KAZN: variants seen among roughly 807,000 people sequenced by gnomAD.
KAZN encodes the protein kazrin.
In KAZN, 40 loss-of-function variants were observed where a neutral mutation model predicts 87.4. The ratio of observed to expected loss-of-function variants is 0.46; its 90% CI spans 0.36 to 0.60. KAZN has a LOEUF of 0.60. Ranked by LOEUF, KAZN falls within the 20% of genes least tolerant of loss-of-function variation. The pLI is 0.00. For missense variants in KAZN, 898 were observed against 1,073.9 expected (o/e 0.84, Z 2.29); for synonymous variants, 466 against 458.3 (o/e 1.02, Z -0.22).
At chr1:15,112,678 C>G (rs1376052761) in intron 14 of KAZN, 137 bp downstream of exon 14, 2 of 625,864 alleles carry the variant, frequency 3.2e-6, no homozygotes, top group South Asian at 3.9e-5. Context: ...GCATCCAGGA[C>G]AGATGCCCTG....
chr1:14,766,275 G>A (rs932978132), intron 1 of KAZN, among the ~76,000 whole-genome samples: 28 of 152,054 alleles, frequency 1.8e-4, no homozygotes, highest in African/African-American at 5.6e-4. Flanking sequence ...CTCCTGGGCT[G>A]CCTGAGTGGA....
chr1:14,587,224 T>C (rs973459100), intron 2 of KAZN, among the ~76,000 whole-genome samples: 1 of 151,992 alleles, frequency 6.6e-6, no homozygotes, highest in Non-Finnish European at 1.5e-5. Context: ...TCATCTGATA[T>C]CAGGAGTTCG....
intron 8 of KAZN, among the ~76,000 whole-genome samples, chr1:15,074,199 C>T (rs914490406): frequency 6.6e-6 from 1 of 152,230 alleles, no homozygotes; most frequent in African/African-American, 2.4e-5. Flanking sequence ...CCTCAGAAGG[C>T]GGTCGGCAAG....
chr1:14,193,860 C>T (rs1215277514), intron 2 of KAZN, among the ~76,000 whole-genome samples: 4 of 151,984 alleles, frequency 2.6e-5, no homozygotes, highest in Non-Finnish European at 5.9e-5. Context: ...CTCTAAGAGC[C>T]CAGGCTTGGC....
chr1:14,850,971 C>T (rs1649364521), intron 1 of KAZN, among the ~76,000 whole-genome samples: 1 of 152,218 alleles, frequency 6.6e-6, no homozygotes, highest in Admixed American at 6.5e-5. Context: ...AGACAGCACG[C>T]AGTCTTTCTC....
At chr1:14,360,010 G>A (rs959093996) in intron 2 of KAZN, among the ~76,000 whole-genome samples, 1 of 152,104 alleles carries the variant, frequency 6.6e-6, no homozygotes, top group African/African-American at 2.4e-5. Flanking sequence ...AAGTTCTCCT[G>A]GATAATATTC....
At chr1:15,085,023 A>C (rs1321826772) in intron 8 of KAZN, among the ~76,000 whole-genome samples, 1 of 152,234 alleles carries the variant, frequency 6.6e-6, no homozygotes, top group East Asian at 1.9e-4. Context: ...CTTGAAAGAG[A>C]AAACAGATAA....
chr1:14,538,638 G>T (rs954985342), intron 2 of KAZN, among the ~76,000 whole-genome samples: 2 of 152,176 alleles, frequency 1.3e-5, no homozygotes, highest in Non-Finnish European at 1.5e-5. Flanking sequence ...TCTTAATGCT[G>T]TCATCTTGGC....
In KAZN at chr1:14,599,483, G is replaced by A. The variant is rs1253076370; in HGVS notation, c.226+260G>A. Among the ~76,000 whole-genome samples the A allele has an allele frequency of 6.6e-6, 1 of 152,172 alleles. No individual in the cohort carries two copies. The highest frequency in any genetic ancestry group is 1.5e-5 in the Non-Finnish European group (1 of 68,032). On this transcript the variant is annotated intron_variant, in intron 1 of 14. Transcript: ENST00000376030. This position sits in a 1 kb window ranked among gnomAD's most constrained non-coding sequence, Gnocchi z 4.4. ...CGGCCAGCCTGAGCGAGGCGCAGCC[G>A]GCGGGTCCCTTCCGGCATCAGAAAG...
chr1:14,550,228 T>A (rs779975802), intron 2 of KAZN, among the ~76,000 whole-genome samples: 89 of 152,144 alleles, frequency 5.8e-4, no homozygotes, highest in Middle Eastern at 3.2e-3. Flanking sequence ...GAAATTTACA[T>A]TTAATGGGAA....
intron 1 of KAZN, among the ~76,000 whole-genome samples, chr1:14,622,689 C>CAAAAAAAAAAAA (rs3087165): frequency 8.8e-6 from 1 of 113,464 alleles, no homozygotes; most frequent in Non-Finnish European, 1.8e-5. Context: ...GACTCCATCT[C>CAAAAAAAAAAAA]AAAAAAAAAA....
chr1:14,077,271 T>C (rs1172849098), intron 1 of KAZN, among the ~76,000 whole-genome samples: 1 of 152,132 alleles, frequency 6.6e-6, no homozygotes, highest in Non-Finnish European at 1.5e-5. Context: ...CAAGATGCCG[T>C]TGGTGGGACT....
At chr1:14,366,044 T>C (rs1659969456) in intron 2 of KAZN, among the ~76,000 whole-genome samples, 1 of 152,212 alleles carries the variant, frequency 6.6e-6, no homozygotes, top group African/African-American at 2.4e-5. Flanking sequence ...GCAAATCTGG[T>C]GACATAATAA....
chr1:14,578,317 C>T (rs1675317396), intron 2 of KAZN, among the ~76,000 whole-genome samples: 1 of 152,106 alleles, frequency 6.6e-6, no homozygotes, highest in South Asian at 2.1e-4. Flanking sequence ...AACTGTGAAG[C>T]ACCCTTCTTG....
At chr1:14,483,927 T>A (rs934482032) in intron 2 of KAZN, among the ~76,000 whole-genome samples, 5 of 152,202 alleles carry the variant, frequency 3.3e-5, no homozygotes, top group African/African-American at 1.2e-4. Flanking sequence ...CCACTTTAAA[T>A]TATGTTTTTG....
chr1:14,322,703 A>C (rs55786637), intron 2 of KAZN, among the ~76,000 whole-genome samples: 17,037 of 152,218 alleles, frequency 0.11, 1,036 homozygotes, highest in East Asian at 0.23. Flanking sequence ...TGAGCCATGG[A>C]AGGGAGAGAG....
At chr1:14,510,792 A>G (rs373578728) in intron 2 of KAZN, among the ~76,000 whole-genome samples, 4 of 152,128 alleles carry the variant, frequency 2.6e-5, no homozygotes, top group African/African-American at 9.7e-5. Context: ...CAGAGAGTAG[A>G]CTGATGCAGG....
At chr1:14,349,908 G>A (rs974594307) in intron 2 of KAZN, among the ~76,000 whole-genome samples, 3 of 151,984 alleles carry the variant, frequency 2.0e-5, no homozygotes, top group African/African-American at 7.3e-5. Flanking sequence ...AGGCGGAGGA[G>A]GGCGGATCAC....
intron 1 of KAZN, among the ~76,000 whole-genome samples, chr1:13,899,118 T>A (rs977914618): frequency 3.3e-5 from 5 of 152,224 alleles, no homozygotes; most frequent in African/African-American, 1.2e-4. Flanking sequence ...GCCTGGCTGT[T>A]TCTCCAGTGG....
Sources: allele counts gnomAD v4.1 joint callset (sites outside exome capture counted in the v4.1 genomes callset), GRCh38; gene constraint gnomAD v4.1.1; non-coding constraint Gnocchi (gnomAD v3.1); transcripts MANE v1.5; gene names NCBI Gene and HGNC (gene_info 2026-07-23, HGNC 2026-07-21).